TSC22D1: variants seen among roughly 807,000 people sequenced by gnomAD.
TSC22D1 encodes the protein TSC22 domain family member 1, also known as TSC22 domain family protein 1.
TSC22D1 carries 9 observed loss-of-function variants against 74.2 expected under a neutral mutation model. The ratio of observed to expected loss-of-function variants is 0.12; its 90% confidence interval spans 0.07 to 0.21. The LOEUF is 0.21. TSC22D1 is among the 10% of genes least tolerant of loss of function. TSC22D1 has a pLI of 1.00. For missense variants in TSC22D1, 1,427 were observed against 1,304.7 expected, an observed-to-expected ratio of 1.09 and a Z score of -1.44; for synonymous variants, 586 against 492.5, an observed-to-expected ratio of 1.19 and a Z score of -2.51.
intron 1 of TSC22D1, among the ~76,000 whole-genome samples, chr13:44,521,979 G>A (rs1429731021): frequency 1.3e-5 from 2 of 152,200 alleles, no homozygotes; most frequent in African/African-American, 4.8e-5. Flanking sequence ...CAAGACAGAC[G>A]TGATCCCTGG....
intron 1 of TSC22D1, among the ~76,000 whole-genome samples, chr13:44,481,579 A>G (rs1878178221): frequency 6.6e-6 from 1 of 152,232 alleles, no homozygotes; most frequent in South Asian, 2.1e-4. Context: ...GTTCATTCAA[A>G]TATTTACAAG....
chr13:44,483,314 T>C (rs1878269727), intron 1 of TSC22D1, among the ~76,000 whole-genome samples: 1 of 151,488 alleles, frequency 6.6e-6, no homozygotes, highest in Non-Finnish European at 1.5e-5. Flanking sequence ...CTAGCTTTAT[T>C]TTAAAATCAT....
At chr13:44,436,485 T>G (rs1462440547) in intron 1 of TSC22D1, 2 of 1,609,290 alleles carry the variant, frequency 1.2e-6, no homozygotes, top group Non-Finnish European at 1.7e-6. Context: ...TTAAAGAAAC[T>G]ATCTTAGCCG....
chr13:44,483,571 G>A (rs189928748), intron 1 of TSC22D1, among the ~76,000 whole-genome samples: 2 of 152,260 alleles, frequency 1.3e-5, no homozygotes, highest in African/African-American at 4.8e-5. Context: ...AATAGGCTGA[G>A]GCAGGAGAAT....
chr13:44,517,849 ATATATATATTTTTTTTTTT>A lies in TSC22D1; in HGVS notation c.2912+55295_2912+55313del, dbSNP rs1880111253. On this transcript the variant is annotated intron_variant, in intron 1 of 2. Coordinates refer to ENST00000458659, the MANE Select transcript of TSC22D1 (RefSeq NM_183422.4). ...TGTGTGTATATATATATATATATAT[ATATATATATTTTTTTTTTT>A]TTTTTTTTTTTAACAAGGTCTCACT... 3.1e-4 allele frequency among the ~76,000 whole-genome samples: 7 copies of A among 22,790 alleles called. No individual in the cohort carries two copies. In the South Asian group the frequency reaches 6.1e-3, roughly 20 times the overall value. The allele number at this position is 22,790 out of a possible 152,430, so 15.0% of individuals were successfully genotyped here.
chr13:44,492,466 G>A (rs1229541273), intron 1 of TSC22D1, among the ~76,000 whole-genome samples: 5 of 152,066 alleles, frequency 3.3e-5, no homozygotes, highest in Non-Finnish European at 7.4e-5. Context: ...AGCTATACAC[G>A]ACATTGACAC....
chr13:44,558,746 AT>A (rs1882851889), intron 1 of TSC22D1, among the ~76,000 whole-genome samples: 1 of 152,208 alleles, frequency 6.6e-6, no homozygotes, highest in Non-Finnish European at 1.5e-5. Context: ...TCTCAAAAAA[AT>A]AAAATAAAAT....
chr13:44,538,529 A>G, intron 1 of TSC22D1: 1 of 985,440 alleles, frequency 1.0e-6, no homozygotes, highest in Non-Finnish European at 1.2e-6. Flanking sequence ...TAAATGAAAC[A>G]GATACAGAGA....
chr13:44,444,145 G>A (rs1435466564), intron 1 of TSC22D1, among the ~76,000 whole-genome samples: 1 of 151,596 alleles, frequency 6.6e-6, no homozygotes, highest in Non-Finnish European at 1.5e-5. Flanking sequence ...TGTGCATAGT[G>A]GCATACGCCT....
chr13:44,514,690 T>C (rs1194436916), intron 1 of TSC22D1, among the ~76,000 whole-genome samples: 1 of 151,998 alleles, frequency 6.6e-6, no homozygotes, highest in African/African-American at 2.4e-5. Flanking sequence ...TGAAACCACG[T>C]CTCTACAAAA....
At position 44,434,703 on chromosome 13, in the gene TSC22D1, G is replaced by T. The variant is rs138879683; in HGVS notation, c.3145C>A (p.Pro1049Thr). ...FQAQLQTGSP[P>T]ATTQPQGTTQ... ...GTGCCCTGTGGCTGGGTGGTGGCAG[G>T]GGGGGAGCCAGTCTGCAGCTGGGCC... Residue 1049 changes from proline to threonine, a missense_variant, in exon 3 of 3, where the codon CCT (proline) becomes ACT (threonine). Coordinates refer to ENST00000458659, the MANE Select transcript of TSC22D1 (RefSeq NM_183422.4). 1.8e-5 allele frequency: 29 copies of T among 1,611,506 alleles called. No individual in the cohort carries two copies. Among genetic ancestry groups the T allele is most frequent in the African/African-American group, 6.7e-5 (5 of 74,862 alleles).
chr13:44,503,556 A>G (rs1879309807), intron 1 of TSC22D1, among the ~76,000 whole-genome samples: 1 of 152,230 alleles, frequency 6.6e-6, no homozygotes, highest in Non-Finnish European at 1.5e-5. Context: ...CAGTTGTCCC[A>G]ATAGTTTTCT....
intron 1 of TSC22D1, among the ~76,000 whole-genome samples, chr13:44,544,544 A>T (rs9590835): frequency 0.018 from 2,503 of 136,518 alleles, 60 homozygotes; most frequent in African/African-American, 0.069. Context: ...TTTTTTAATT[A>T]AAAAAAAAAA....
chr13:44,464,523 G>A (rs9533867), intron 1 of TSC22D1, among the ~76,000 whole-genome samples: 11,551 of 151,916 alleles, frequency 0.076, 559 homozygotes, highest in Non-Finnish European at 0.1. Context: ...CTATGTTTCT[G>A]GAAGGCAAAT....
chr13:44,532,436 A>C (rs1355731676), intron 1 of TSC22D1, among the ~76,000 whole-genome samples: 3 of 152,176 alleles, frequency 2.0e-5, no homozygotes. Context: ...GTTTGGTGTC[A>C]CACACTAACA....
At chr13:44,471,182 T>G (rs990679780) in intron 1 of TSC22D1, among the ~76,000 whole-genome samples, 67 of 152,288 alleles carry the variant, frequency 4.4e-4, no homozygotes, top group South Asian at 2.1e-4. Context: ...TCAAAAGTAC[T>G]TCATACTTTA....
intron 1 of TSC22D1, among the ~76,000 whole-genome samples, chr13:44,447,151 T>C (rs1198702687): frequency 6.6e-6 from 1 of 151,992 alleles, no homozygotes; most frequent in Non-Finnish European, 1.5e-5. Context: ...CTATACTTTT[T>C]TTTTTTTTTT....
intron 1 of TSC22D1, among the ~76,000 whole-genome samples, chr13:44,471,744 A>G (rs1299982900): frequency 6.6e-6 from 1 of 152,242 alleles, no homozygotes; most frequent in Non-Finnish European, 1.5e-5. Flanking sequence ...TCCTTTGACA[A>G]ATAAAATATT....
chr13:44,463,894 T>C (rs1054952795), intron 1 of TSC22D1, among the ~76,000 whole-genome samples: 11 of 152,238 alleles, frequency 7.2e-5, no homozygotes, highest in African/African-American at 2.2e-4. Flanking sequence ...GAAACCCTCA[T>C]GCTGGCCTAT....
Sources: gnomAD v4.1 joint callset for allele counts (sites outside exome capture counted in the v4.1 genomes callset) on GRCh38, gnomAD v4.1.1 for gene constraint, MANE v1.5 for transcripts, NCBI Gene and HGNC (gene_info 2026-07-23, HGNC 2026-07-21) for gene names.